The following UGT1A4 variants were observed in gnomAD, a reference collection of about 807,000 sequenced individuals.
UGT1A4 encodes UDP glucuronosyltransferase family 1 member A4.
Under a neutral mutation model 41.1 loss-of-function variants are expected in UGT1A4, and 32 were observed. The ratio of observed to expected loss-of-function variants is 0.78; its 90% confidence interval spans 0.59 to 1.05. The LOEUF (loss-of-function observed/expected upper bound fraction) is 1.05. UGT1A4 is among the 50% of genes least tolerant of loss of function. The pLI, the probability that UGT1A4 is intolerant of heterozygous loss-of-function variation, is 0.00. For synonymous variants in UGT1A4, 283 were observed against 265.1 expected (o/e 1.07, Z -0.66); for missense variants, 748 against 677.4 (o/e 1.10, Z -1.16).
At chr2:233,757,826 ATGG>A (rs1696730771) in intron 1 of UGT1A4, among the ~76,000 whole-genome samples, 1 of 151,882 alleles carries the variant, frequency 6.6e-6, no homozygotes, top group Non-Finnish European at 1.5e-5. Flanking sequence ...AGTGTGTCTG[ATGG>A]TGGCCTACTA....
Position 233,769,415 on chromosome 2 carries a change from G to A in UGT1A4, c.1307+976G>A. On this transcript the variant is annotated intron_variant, in intron 4 of 4. Coordinates refer to ENST00000373409, the MANE Select transcript of UGT1A4 (RefSeq NM_007120.3). This position sits in a 1 kb window ranked among gnomAD's most constrained non-coding sequence, Gnocchi z 4.4. Reference sequence around the variant, plus strand: ...TGTGTGCATATGTGCGTGTGCGTTTGTGCATGTGGCTGTGCTCATGTGTGG... The same window carrying A: ...TGTGTGCATATGTGCGTGTGCGTTTATGCATGTGGCTGTGCTCATGTGTGG... The A allele has an allele frequency of 1.4e-6, 2 of 1,401,966 alleles. No homozygotes were observed. Among genetic ancestry groups the A allele is most frequent in the Non-Finnish European group, 2.0e-6 (2 of 1,003,386 alleles). The allele number at this position is 1,401,966 out of a possible 1,614,324, so 86.8% of individuals were successfully genotyped here.
At chr2:233,721,705 T>G in intron 1 of UGT1A4, 1 of 371,450 alleles carries the variant, frequency 2.7e-6, no homozygotes, top group South Asian at 2.1e-5. Flanking sequence ...ATGGCTCATC[T>G]TGGATGCTTT....
rs1199920513 is a variant in UGT1A4, at chr2:233,767,073, A to G, written c.907A>G (p.Ile303Val). The change falls in exon 2 of 5, where the codon ATT becomes GTT. Residue 303 changes from isoleucine (I) to valine (V), a missense_variant. Coordinates refer to ENST00000373409, the MANE Select transcript of UGT1A4 (RefSeq NM_007120.3). ...CATTAATGCTTCTGGAGAACATGGA[A>G]TTGTGGTTTTCTCTTTGGGATCAAT... is the stretch of plus-strand genomic sequence containing the variant. Reference protein sequence around the residue: ...AYINASGEHGIVVFSLGSMVS... With the variant: ...AYINASGEHGVVVFSLGSMVS... 3.1e-6 allele frequency: 5 copies of G among 1,614,112 alleles called. No homozygotes were observed. Among genetic ancestry groups the G allele is most frequent in the Non-Finnish European group, 3.4e-6 (4 of 1,179,992 alleles).
intron 4 of UGT1A4, 143 bp downstream of exon 4, chr2:233,768,582 CTTTTT>C: frequency 1.9e-3 from 1,917 of 1,027,810 alleles, no homozygotes; most frequent in East Asian, 5.4e-3. Flanking sequence ...TTTATTTCTT[CTTTTT>C]TTTTTTTTTT....
chr2:233,743,757 C>T, intron 1 of UGT1A4: 2 of 1,367,374 alleles, frequency 1.5e-6, no homozygotes, highest in Non-Finnish European at 2.0e-6. Flanking sequence ...GACAACACCT[C>T]GTAGGCCTCG....
At chr2:233,732,425 G>T (rs1329507271) in intron 1 of UGT1A4, among the ~76,000 whole-genome samples, 1 of 152,186 alleles carries the variant, frequency 6.6e-6, no homozygotes, top group African/African-American at 2.4e-5. Context: ...TTTTCTTCTA[G>T]GATTTTTATG....
At chr2:233,742,161 C>A (rs1479905655) in intron 1 of UGT1A4, among the ~76,000 whole-genome samples, 2 of 151,932 alleles carry the variant, frequency 1.3e-5, no homozygotes, top group African/African-American at 2.4e-5. Context: ...ATTAAAGACA[C>A]ACACACAGAA....
Position 233,718,852 on chromosome 2 carries a change from G to T in UGT1A4, c.32G>T (p.Arg11Leu). 1.2e-6 allele frequency: 2 copies of T among 1,613,718 alleles called. No homozygotes were observed. The highest frequency in any genetic ancestry group is 1.7e-6 in the Non-Finnish European group (2 of 1,179,936). ...AGAGGACTCCAGGTTCCCCTGCCGCGGCTGGCCACAGGACTGCTGCTCCTC... is the reference window on the plus strand; with the variant it reads ...AGAGGACTCCAGGTTCCCCTGCCGCTGCTGGCCACAGGACTGCTGCTCCTC... MARGLQVPLP[R>L]LATGLLLLLS... The change falls in exon 1 of 5, where the codon CGG becomes CTG. Residue 11 changes from arginine to leucine, a missense_variant. Arg to Leu is a moderately radical substitution (Grantham distance 102). Coordinates refer to ENST00000373409, the MANE Select transcript of UGT1A4 (RefSeq NM_007120.3).
At chr2:233,724,138 G>A (rs2077174540) in intron 1 of UGT1A4, among the ~76,000 whole-genome samples, 1 of 122,456 alleles carries the variant, frequency 8.2e-6, no homozygotes, top group Non-Finnish European at 1.7e-5. Context: ...CTCCCGGACG[G>A]GGCGGCTGGC....
chr2:233,758,540 T>C (rs145954073), intron 1 of UGT1A4, among the ~76,000 whole-genome samples: 1 of 152,348 alleles, frequency 6.6e-6, no homozygotes, highest in Non-Finnish European at 1.5e-5. Flanking sequence ...GCTATGTCTA[T>C]TCTGCTTGCC....
At chr2:233,760,556 A>G (rs1285506084) in intron 1 of UGT1A4, 1 of 1,614,220 alleles carries the variant, frequency 6.2e-7, no homozygotes, top group Admixed American at 1.7e-5. Context: ...GATGTGAAAG[A>G]GTCTTTTGTT....
intron 1 of UGT1A4, chr2:233,760,446 G>T (rs149071335): frequency 6.2e-7 from 1 of 1,614,210 alleles, no homozygotes; most frequent in Non-Finnish European, 8.5e-7. Flanking sequence ...TGCAGCAGAG[G>T]GGACATGAAA....
At chr2:233,747,819 G>T (rs1219645107) in intron 1 of UGT1A4, 12 of 1,613,452 alleles carry the variant, frequency 7.4e-6, no homozygotes, top group Non-Finnish European at 1.0e-5. Context: ...GACCAATTCA[G>T]ACCACATGAC....
intron 1 of UGT1A4, among the ~76,000 whole-genome samples, chr2:233,736,967 T>A (rs2078831080): frequency 6.6e-6 from 1 of 151,890 alleles, no homozygotes; most frequent in African/African-American, 2.4e-5. Context: ...TACTGGGAGG[T>A]GTTTCCCAGT....
At chr2:233,747,332 A>T in intron 1 of UGT1A4, 1 of 1,603,532 alleles carries the variant, frequency 6.2e-7, no homozygotes, top group Non-Finnish European at 8.5e-7. Flanking sequence ...GATGGCAGCC[A>T]CTGGCTCGCA....
intron 1 of UGT1A4, among the ~76,000 whole-genome samples, chr2:233,762,294 C>T (rs867302636): frequency 2.0e-5 from 3 of 152,346 alleles, no homozygotes; most frequent in Middle Eastern, 3.4e-3. Flanking sequence ...AAGGTGCCAA[C>T]CGAGGTCTAG....
chr2:233,741,715 A>AG (rs2125837750), intron 1 of UGT1A4: 1 of 152,002 alleles, frequency 6.6e-6, no homozygotes, highest in African/African-American at 2.4e-5. Context: ...TGAGGGTTCT[A>AG]GAGCATATCC....
At chr2:233,733,460 C>T (rs1438150751) in intron 1 of UGT1A4, among the ~76,000 whole-genome samples, 1 of 152,094 alleles carries the variant, frequency 6.6e-6, no homozygotes, top group Non-Finnish European at 1.5e-5. Context: ...ATAAATAGCT[C>T]TTATTATTTT....
intron 1 of UGT1A4, among the ~76,000 whole-genome samples, chr2:233,736,928 C>T (rs1427688264): frequency 1.3e-5 from 2 of 152,158 alleles, no homozygotes; most frequent in African/African-American, 4.8e-5. Context: ...CAGAGGCGCA[C>T]CCACCTATAT....
Sources: allele counts gnomAD v4.1 joint callset (sites outside exome capture counted in the v4.1 genomes callset), GRCh38; gene constraint gnomAD v4.1.1; non-coding constraint Gnocchi (gnomAD v3.1); transcripts MANE v1.5; gene names NCBI Gene and HGNC (gene_info 2026-07-23, HGNC 2026-07-21).